The following PDE5A variants were observed in gnomAD, a reference collection of about 807,000 sequenced individuals.
The protein encoded by PDE5A is phosphodiesterase 5A, also known as cGMP-specific 3',5'-cyclic phosphodiesterase.
A neutral mutation model predicts 110.2 loss-of-function variants in PDE5A; 67 were observed. That is an observed-to-expected ratio of 0.61 (90% CI 0.50 to 0.75). PDE5A has a LOEUF of 0.75. PDE5A is among the 30% of genes least tolerant of loss of function. PDE5A has a pLI of 0.00. For synonymous variants in PDE5A, 328 were observed against 351.2 expected, an observed-to-expected ratio of 0.93 and a Z score of 0.74; for missense variants, 862 against 1,045.1, an observed-to-expected ratio of 0.82 and a Z score of 2.42.
chr4:119,613,986 C>A (rs1729846716), intron 1 of PDE5A, among the ~76,000 whole-genome samples: 1 of 151,524 alleles, frequency 6.6e-6, no homozygotes, highest in African/African-American at 2.4e-5. Context: ...TAACATCTAG[C>A]TGAATCTAGA....
chr4:119,549,453 T>C (rs910011197), intron 9 of PDE5A: 5 of 152,256 alleles, frequency 3.3e-5, no homozygotes, highest in African/African-American at 4.8e-5. Context: ...TTCTTTCTCA[T>C]ATTTCTCTGT....
Position 119,502,696 on chromosome 4 carries a change from T to TATCA in PDE5A, c.2332-45_2332-42dup, listed in dbSNP as rs375050780. On this transcript the variant is annotated intron_variant, in intron 18 of 20. Coordinates refer to ENST00000354960, the MANE Select transcript of PDE5A (RefSeq NM_001083.4). ...GACTCAGTTTTGACAATGAAAAGCATATCATTCTTTAAAACAGAGACCGTG... is the reference window on the plus strand; with the variant it reads ...GACTCAGTTTTGACAATGAAAAGCATATCAATCATTCTTTAAAACAGAGACCGTG... 3.9e-6 allele frequency: 5 copies of TATCA among 1,289,048 alleles called. No individual in the cohort carries two copies. The East Asian group carries it at 6.9e-5, about 18-fold the overall frequency. The allele number at this position is 1,289,048 out of a possible 1,614,324, so 79.9% of individuals were successfully genotyped here.
chr4:119,625,971 C>G (rs537017112), intron 1 of PDE5A, among the ~76,000 whole-genome samples: 1 of 152,308 alleles, frequency 6.6e-6, no homozygotes, highest in East Asian at 1.9e-4. Context: ...TGACAACTCT[C>G]AGCACTTTAT....
In PDE5A at chr4:119,519,183, T is replaced by C. The variant is rs112167661; in HGVS notation, c.1906-44A>G. Reference sequence around the variant, plus strand: ...TGGAGGAAAGAGAGAACAAATATAATGTGGTGAAGGACATTATATTACCTC... The same window carrying C: ...TGGAGGAAAGAGAGAACAAATATAACGTGGTGAAGGACATTATATTACCTC... On this transcript the variant is annotated intron_variant, in intron 13 of 20. Transcript: ENST00000354960. 5.1e-5 allele frequency: 71 copies of C among 1,399,190 alleles called. No individual in the cohort carries two copies. The African/African-American group carries it at 6.6e-4, about 13-fold the overall frequency. 86.7% of individuals were successfully genotyped at this position (1,399,190 alleles called of 1,614,324 possible).
At chr4:119,501,837 C>T (rs897470913) in intron 19 of PDE5A, among the ~76,000 whole-genome samples, 1 of 152,106 alleles carries the variant, frequency 6.6e-6, no homozygotes, top group Non-Finnish European at 1.5e-5. Flanking sequence ...CCCTTCAACA[C>T]GACAACTTTG....
At chr4:119,553,259 C>T (rs575286940) in intron 8 of PDE5A, among the ~76,000 whole-genome samples, 2 of 152,068 alleles carry the variant, frequency 1.3e-5, no homozygotes, top group Admixed American at 6.6e-5. Flanking sequence ...CCCAGAGCTA[C>T]TCACTATGAC....
At chr4:119,622,173 C>CA (rs11334790) in intron 1 of PDE5A, among the ~76,000 whole-genome samples, 4 of 135,848 alleles carry the variant, frequency 2.9e-5, no homozygotes, top group African/African-American at 8.2e-5. Context: ...GACTCCATCT[C>CA]AAAAAAAAAA....
At chr4:119,603,569 C>G (rs2110545054) in intron 2 of PDE5A, among the ~76,000 whole-genome samples, 1 of 152,168 alleles carries the variant, frequency 6.6e-6, no homozygotes, top group South Asian at 2.1e-4. Context: ...TGGATCCTGT[C>G]TTGTATTTTG....
intron 19 of PDE5A, among the ~76,000 whole-genome samples, chr4:119,501,755 C>CTT (rs932822419): frequency 1.3e-5 from 2 of 152,162 alleles, no homozygotes; most frequent in African/African-American, 4.8e-5. Context: ...TGAGAGGAAT[C>CTT]TTTACTTGTA....
rs964954525 is a variant in PDE5A at position 119,606,842 on chromosome 4, C to T, written c.608G>A (p.Arg203His). The T allele has an allele frequency of 8.7e-6, 14 of 1,613,964 alleles. No individual in the cohort carries two copies. Among genetic ancestry groups the T allele is most frequent in the African/African-American group, 1.3e-5 (1 of 74,900 alleles). ...TGAACCTTCAGCAACATCAAAGAGGCGGCTGATAAGAAACTTGTCATTGGA... is the reference window on the plus strand; with the variant it reads ...TGAACCTTCAGCAACATCAAAGAGGTGGCTGATAAGAAACTTGTCATTGGA... Reference protein sequence around the residue: ...DSSNDKFLISRLFDVAEGSTL... With the variant: ...DSSNDKFLISHLFDVAEGSTL... Residue 203 changes from arginine (R) to histidine (H), a missense_variant, in exon 2 of 21, where the codon CGC (arginine) becomes CAC (histidine). Transcript: ENST00000354960.
chr4:119,543,227 T>C (rs1484441111), intron 9 of PDE5A: 4 of 152,074 alleles, frequency 2.6e-5, no homozygotes, highest in African/African-American at 9.7e-5. Context: ...AAATGACTAC[T>C]TAGAAATAAA....
intron 3 of PDE5A, among the ~76,000 whole-genome samples, chr4:119,572,785 A>G (rs1235816470): frequency 6.6e-6 from 1 of 152,194 alleles, no homozygotes; most frequent in Non-Finnish European, 1.5e-5. Flanking sequence ...GTCCAGGCAC[A>G]AAAGACGCAT....
intron 3 of PDE5A, among the ~76,000 whole-genome samples, chr4:119,571,332 A>C (rs182857632): frequency 2.4e-4 from 36 of 152,282 alleles, no homozygotes; most frequent in Admixed American, 2.3e-3. Context: ...ATAAAGTTAA[A>C]GATCTGGAGA....
At chr4:119,625,443 A>C (rs1578840095) in intron 1 of PDE5A, among the ~76,000 whole-genome samples, 1 of 152,352 alleles carries the variant, frequency 6.6e-6, no homozygotes, top group South Asian at 2.1e-4. Flanking sequence ...TTGATGTTCA[A>C]TAACTACCAT....
Position 119,538,465 on chromosome 4 carries a change from A to G in PDE5A, c.1632+495T>C, listed in dbSNP as rs2110483837. ...AGACCTACAACATACATCTACTTACATATCCATGTGCTTTTCTCTCATTGT... is the reference window on the plus strand; with the variant it reads ...AGACCTACAACATACATCTACTTACGTATCCATGTGCTTTTCTCTCATTGT... On this transcript the variant is annotated intron_variant, in intron 11 of 20. Coordinates refer to ENST00000354960, the MANE Select transcript of PDE5A (RefSeq NM_001083.4). Among the ~76,000 whole-genome samples, 2 of 152,278 alleles carry G rather than the reference A, an allele frequency of 1.3e-5. 1 individual carries two copies. Among genetic ancestry groups the G allele is most frequent in the South Asian group, 4.1e-4 (2 of 4,826 alleles).
intron 3 of PDE5A, among the ~76,000 whole-genome samples, chr4:119,568,020 AG>A (rs1346096978): frequency 6.6e-6 from 1 of 152,106 alleles, no homozygotes; most frequent in Non-Finnish European, 1.5e-5. Flanking sequence ...AGCTCATTAT[AG>A]TATCTTAGCT....
chr4:119,585,915 C>A (rs532271525), intron 3 of PDE5A, among the ~76,000 whole-genome samples: 1 of 152,234 alleles, frequency 6.6e-6, no homozygotes, highest in South Asian at 2.1e-4. Flanking sequence ...TATGAAGAGC[C>A]CACATGGTGA....
chr4:119,596,806 T>C (rs1729170359), intron 2 of PDE5A, among the ~76,000 whole-genome samples, 194 bp from the exon 3 acceptor site: 1 of 152,118 alleles, frequency 6.6e-6, no homozygotes, highest in Non-Finnish European at 1.5e-5. Context: ...GTTGCTGAGC[T>C]TTTTTATAAG....
intron 1 of PDE5A, 133 bp downstream of exon 1, chr4:119,628,387 T>C: frequency 3.2e-6 from 2 of 629,658 alleles, no homozygotes; most frequent in Non-Finnish European, 5.4e-6. Flanking sequence ...CGCTTAGAGT[T>C]GAGGTTTCTA....
Sources: gnomAD v4.1 joint callset for allele counts (sites outside exome capture counted in the v4.1 genomes callset) on GRCh38, gnomAD v4.1.1 for gene constraint, MANE v1.5 for transcripts, NCBI Gene and HGNC (gene_info 2026-07-23, HGNC 2026-07-21) for gene names.